The following FAM47E variants were observed in gnomAD, a reference collection of about 807,000 sequenced individuals.
FAM47E encodes protein FAM47E.
Under a neutral mutation model 41.6 loss-of-function variants are expected in FAM47E, and 32 were observed. The observed-to-expected ratio is 0.77, with a 90% CI of 0.58 to 1.03. FAM47E has a LOEUF of 1.03. Ranked by LOEUF, FAM47E falls within the 50% of genes least tolerant of loss-of-function variation. The pLI is 0.00. For synonymous variants in FAM47E, 184 were observed against 188.7 expected, an observed-to-expected ratio of 0.98 and a Z score of 0.20; for missense variants, 424 against 485.4, an observed-to-expected ratio of 0.87 and a Z score of 1.19.
intron 2 of FAM47E, among the ~76,000 whole-genome samples, chr4:76,231,035 C>G (rs745799527): frequency 6.6e-6 from 1 of 152,100 alleles, no homozygotes; most frequent in African/African-American, 2.4e-5. Flanking sequence ...GAGTTTGGAA[C>G]AAAAATGTGT....
intron 6 of FAM47E, chr4:76,279,977 A>T (rs1735277710): frequency 1.2e-5 from 3 of 255,708 alleles, no homozygotes; most frequent in Non-Finnish European, 2.3e-5. Flanking sequence ...AATCTTAACT[A>T]GGTTAGATTC....
In FAM47E at chr4:76,283,658, T is replaced by C; in HGVS notation, c.*200T>C. On this transcript the variant is annotated 3_prime_UTR_variant, in exon 8 of 8. Transcript: ENST00000424749. ...ATTTCTGCTTCAGTTAATCAACATT[T>C]TGTATACTTTATCACCCATGAGATC... is the stretch of plus-strand genomic sequence containing the variant. 2.0e-6 allele frequency: 1 copy of C among 496,910 alleles called. No homozygotes were observed. The highest frequency in any genetic ancestry group is 3.6e-6 in the Non-Finnish European group (1 of 275,916). 30.8% of individuals were successfully genotyped at this position (496,910 alleles called of 1,614,324 possible). A position where few individuals can be genotyped will look rare whatever the true frequency, so the allele number is the denominator to read the frequency against.
At chr4:76,255,695 T>C (rs12643261) in intron 1 of FAM47E, among the ~76,000 whole-genome samples, 18,152 of 152,102 alleles carry the variant, frequency 0.12, 1,473 homozygotes, top group East Asian at 0.32. Flanking sequence ...ACAAAGCGAA[T>C]GGAGAGATGA....
intron 7 of FAM47E, 191 bp from the exon 8 acceptor site, chr4:76,283,190 T>C: frequency 2.2e-6 from 1 of 454,518 alleles, no homozygotes; most frequent in Non-Finnish European, 4.0e-6. Flanking sequence ...TGAGTGTTTC[T>C]GATACTGTGT....
intron 5 of FAM47E, 88 bp downstream of exon 5, chr4:76,271,856 G>T (rs1016597872): frequency 7.2e-7 from 1 of 1,397,154 alleles, no homozygotes; most frequent in Non-Finnish European, 9.5e-7. Flanking sequence ...TGTGTCATGG[G>T]TACTGGTTTT....
intron 5 of FAM47E, 34 bp from the exon 6 acceptor site, chr4:76,278,035 T>G: frequency 7.0e-7 from 1 of 1,425,292 alleles, no homozygotes; most frequent in Non-Finnish European, 9.2e-7. Flanking sequence ...AAACAAAAAA[T>G]CAATGGCACT....
In FAM47E at chr4:76,246,379, C is replaced by A. The variant is rs920283571; in HGVS notation, c.82-17325C>A. 1.2e-4 allele frequency among the ~76,000 whole-genome samples: 19 copies of A among 152,170 alleles called. No individual in the cohort carries two copies. The East Asian group carries it at 3.3e-3, about 26-fold the overall frequency. On this transcript the variant is annotated intron_variant, in intron 2 of 7. Coordinates refer to the FAM47E transcript ENST00000510197. Reference sequence around the variant, plus strand: ...CTGGTTGTTAAATATTTTAAATATCCTTCCCCTGGATGAGTACCACAAAAT... The same window carrying A: ...CTGGTTGTTAAATATTTTAAATATCATTCCCCTGGATGAGTACCACAAAAT...
intron 2 of FAM47E, among the ~76,000 whole-genome samples, chr4:76,244,436 A>T (rs1410629863): frequency 6.6e-6 from 1 of 151,964 alleles, no homozygotes; most frequent in East Asian, 1.9e-4. Flanking sequence ...TCATCATTCT[A>T]ACTGGCCTGA....
At chr4:76,265,938 A>G (rs539770502) in intron 3 of FAM47E, among the ~76,000 whole-genome samples, 42 of 149,742 alleles carry the variant, frequency 2.8e-4, no homozygotes, top group Admixed American at 1.2e-3. Context: ...AGAGGCATTC[A>G]TACTCACTTA....
chr4:76,251,594 A>T, upstream of FAM47E: 2 of 1,305,316 alleles, frequency 1.5e-6, no homozygotes, highest in Admixed American at 4.1e-5. Flanking sequence ...CAGGCGTCGG[A>T]GAAGGGGTTG....
chr4:76,243,629 T>A (rs1382764249), intron 2 of FAM47E, among the ~76,000 whole-genome samples: 1 of 152,238 alleles, frequency 6.6e-6, no homozygotes, highest in African/African-American at 2.4e-5. Flanking sequence ...CAAGACCCTC[T>A]CTTATTCATT....
intron 2 of FAM47E, among the ~76,000 whole-genome samples, chr4:76,233,926 G>A (rs2109987348): frequency 6.6e-6 from 1 of 152,222 alleles, no homozygotes; most frequent in East Asian, 1.9e-4. Flanking sequence ...TACTACTGAT[G>A]GGGTGAAGAA....
intron 2 of FAM47E, among the ~76,000 whole-genome samples, chr4:76,258,362 G>A (rs993404754): frequency 2.0e-5 from 3 of 152,142 alleles, no homozygotes; most frequent in Admixed American, 2.0e-4. Flanking sequence ...TGATTGTTTG[G>A]TCGGCCTTAG....
At chr4:76,226,310 T>G (rs897155784) in intron 2 of FAM47E, among the ~76,000 whole-genome samples, 2 of 152,144 alleles carry the variant, frequency 1.3e-5, no homozygotes, top group African/African-American at 4.8e-5. Context: ...AGAAAGGCAG[T>G]GGTGCATCAA....
At chr4:76,280,239 T>C in intron 6 of FAM47E, 25 bp from the exon 7 acceptor site, 1 of 1,464,824 alleles carries the variant, frequency 6.8e-7, no homozygotes, top group African/African-American at 1.4e-5. Flanking sequence ...CTGACCCCTT[T>C]CTTCAAATGT....
intron 2 of FAM47E, among the ~76,000 whole-genome samples, chr4:76,234,822 A>G (rs1173899061): frequency 1.3e-5 from 2 of 152,180 alleles, no homozygotes; most frequent in Non-Finnish European, 2.9e-5. Context: ...CCCAGGTGGG[A>G]AGAGAAGTTG....
chr4:76,245,510 C>T (rs1733806935), intron 2 of FAM47E, among the ~76,000 whole-genome samples: 1 of 152,162 alleles, frequency 6.6e-6, no homozygotes. Context: ...AATAGCCTGA[C>T]TGTTCCCTTC....
intron 2 of FAM47E, among the ~76,000 whole-genome samples, chr4:76,233,780 G>T (rs898371685): frequency 6.6e-6 from 1 of 152,160 alleles, no homozygotes; most frequent in Non-Finnish European, 1.5e-5. Flanking sequence ...GTTACAGGCA[G>T]TGCCCCCAAT....
chr4:76,282,485 G>C (rs1735396919), intron 7 of FAM47E: 1 of 152,228 alleles, frequency 6.6e-6, no homozygotes, highest in African/African-American at 2.4e-5. Context: ...CTCCCTGACT[G>C]CACGTCCGTT....
Sources: allele counts gnomAD v4.1 joint callset (sites outside exome capture counted in the v4.1 genomes callset), GRCh38; gene constraint gnomAD v4.1.1; transcripts MANE v1.5; gene names NCBI Gene and HGNC (gene_info 2026-07-23, HGNC 2026-07-21).